PTPRD: variants seen among roughly 807,000 people sequenced by gnomAD.
The protein encoded by PTPRD is receptor-type tyrosine-protein phosphatase delta.
A neutral mutation model predicts 214.5 loss-of-function variants in PTPRD; 34 were observed. The ratio of observed to expected loss-of-function variants is 0.16; its 90% CI spans 0.12 to 0.21. PTPRD has a LOEUF of 0.21. Among genes scored for constraint, PTPRD ranks in the 10% least tolerant of loss-of-function variants. The pLI is 1.00. For missense variants in PTPRD, 2,545 were observed against 2,398.7 expected, an observed-to-expected ratio of 1.06 and a Z score of -1.27; for synonymous variants, 1,128 against 845.7, an observed-to-expected ratio of 1.33 and a Z score of -5.79.
chr9:9,662,037 T>C (rs1364092004), intron 7 of PTPRD, among the ~76,000 whole-genome samples: 1 of 151,710 alleles, frequency 6.6e-6, no homozygotes, highest in Non-Finnish European at 1.5e-5. Flanking sequence ...CCTGATACAA[T>C]TTAAAGTATA....
intron 8 of PTPRD, among the ~76,000 whole-genome samples, chr9:9,509,750 G>A (rs984273331): frequency 1.3e-5 from 2 of 151,174 alleles, no homozygotes; most frequent in African/African-American, 4.9e-5. Flanking sequence ...CCAAACTCCT[G>A]GCTTTCAGTA....
intron 11 of PTPRD, among the ~76,000 whole-genome samples, chr9:8,885,312 C>T (rs1376000559): frequency 1.3e-5 from 2 of 151,958 alleles, no homozygotes; most frequent in African/African-American, 4.8e-5. Context: ...TAAGGGGTTT[C>T]TCAGGGCATG....
Position 8,436,682 on chromosome 9 carries a change from A to G in PTPRD, c.3996T>C (p.Ala1332=). Residue 1332 remains alanine, a synonymous_variant, in exon 35 of 46, where the codon GCT becomes GCC. Transcript: ENST00000381196. ...CCAAGATGGGTATTGGAGGATGGCTAGCCATACCTATTGAAAAAAGCAAAG... is the reference window on the plus strand; with the variant it reads ...CCAAGATGGGTATTGGAGGATGGCTGGCCATACCTATTGAAAAAAGCAAAG... The part of the protein sequence containing the change: ...RRLNFQTPGM[A]SHPPIPILEL... 6.2e-7 allele frequency: 1 copy of G among 1,611,868 alleles called. No homozygotes were observed. Among genetic ancestry groups the G allele is most frequent in the Non-Finnish European group, 8.5e-7 (1 of 1,178,786 alleles).
At position 8,934,450 on chromosome 9, in the gene PTPRD, T is replaced by TA. The variant is rs1567098205; in HGVS notation, c.-104+84246_-104+84247insT. ...ATATATATATAAATATATATATAAA[T>TA]TTATATATATATAAATATATATATA... On this transcript the variant is annotated intron_variant, in intron 11 of 45. Transcript: ENST00000381196. Among the ~76,000 whole-genome samples the TA allele has an allele frequency of 9.9e-3, 370 of 37,186 alleles. 17 individuals carry two copies. Among genetic ancestry groups the TA allele is most frequent in the Middle Eastern group, 0.052 (3 of 58 alleles). 24.4% of individuals were successfully genotyped at this position (37,186 alleles called of 152,430 possible).
At chr9:8,873,956 A>G (rs1285488550) in intron 11 of PTPRD, among the ~76,000 whole-genome samples, 1 of 152,194 alleles carries the variant, frequency 6.6e-6, no homozygotes, top group Non-Finnish European at 1.5e-5. Context: ...TTAAAACATA[A>G]TACGGAGTCT....
intron 7 of PTPRD, among the ~76,000 whole-genome samples, chr9:9,636,431 C>T (rs559788516): frequency 6.6e-6 from 1 of 152,192 alleles, no homozygotes; most frequent in South Asian, 2.1e-4. Context: ...CACCTTTCTC[C>T]AATGACAGAT....
chr9:10,499,982 C>T (rs2043176671), intron 2 of PTPRD, among the ~76,000 whole-genome samples: 1 of 151,748 alleles, frequency 6.6e-6, no homozygotes, highest in Non-Finnish European at 1.5e-5. Flanking sequence ...TAGAGTATTG[C>T]CTGTGCCAGC....
chr9:10,258,736 G>T (rs572663811), intron 3 of PTPRD, among the ~76,000 whole-genome samples: 2 of 151,160 alleles, frequency 1.3e-5, no homozygotes, highest in Non-Finnish European at 2.9e-5. Context: ...GTCAGGTATC[G>T]TTTTGTATCT....
At chr9:10,134,198 A>G (rs2098924942) in intron 3 of PTPRD, among the ~76,000 whole-genome samples, 1 of 152,128 alleles carries the variant, frequency 6.6e-6, no homozygotes, top group Admixed American at 6.6e-5. Flanking sequence ...TCTGCCAAGC[A>G]AAGAGGACCA....
intron 3 of PTPRD, among the ~76,000 whole-genome samples, chr9:10,080,793 T>C (rs1478491807): frequency 6.6e-6 from 1 of 152,134 alleles, no homozygotes; most frequent in African/African-American, 2.4e-5. Context: ...CTCTTGACCA[T>C]TAAAAAGCTA....
At chr9:9,495,752 A>G (rs1179006428) in intron 8 of PTPRD, among the ~76,000 whole-genome samples, 1 of 152,156 alleles carries the variant, frequency 6.6e-6, no homozygotes, top group Admixed American at 6.5e-5. Context: ...GCTGGACAAG[A>G]GCTCAGGACC....
At chr9:10,223,651 C>A (rs1440468454) in intron 3 of PTPRD, among the ~76,000 whole-genome samples, 1 of 146,078 alleles carries the variant, frequency 6.8e-6, no homozygotes, top group Non-Finnish European at 1.5e-5. Context: ...GCTTGGGTGA[C>A]AGAATGAGAT....
intron 2 of PTPRD, among the ~76,000 whole-genome samples, chr9:10,378,214 A>C (rs1163886471): frequency 6.6e-6 from 1 of 151,966 alleles, no homozygotes; most frequent in Non-Finnish European, 1.5e-5. Flanking sequence ...CTGGTTATTT[A>C]TCTCTTGTCT....
At chr9:8,335,692 G>A (rs11788235) in intron 43 of PTPRD, among the ~76,000 whole-genome samples, 76,128 of 151,930 alleles carry the variant, frequency 0.5, 20,052 homozygotes, top group Non-Finnish European at 0.59. Context: ...AGGAAAAGAG[G>A]AAGTGAAATT....
intron 3 of PTPRD, among the ~76,000 whole-genome samples, chr9:10,329,083 T>A (rs1019256246): frequency 6.6e-6 from 1 of 151,786 alleles, no homozygotes; most frequent in Non-Finnish European, 1.5e-5. Context: ...GCTTAATACA[T>A]TGGAAATTAT....
chr9:9,023,545 T>G (rs781278521), intron 10 of PTPRD, among the ~76,000 whole-genome samples: 15 of 152,192 alleles, frequency 9.9e-5, no homozygotes, highest in Non-Finnish European at 1.5e-4. Context: ...ATCTTAAATT[T>G]CAACTTTTAT....
At chr9:8,388,376 T>G (rs1040622423) in intron 37 of PTPRD, among the ~76,000 whole-genome samples, 2 of 152,196 alleles carry the variant, frequency 1.3e-5, no homozygotes, top group African/African-American at 4.8e-5. Context: ...ACTTGTGGTT[T>G]CAAATTCTGT....
At chr9:10,418,293 G>C (rs1366231310) in intron 2 of PTPRD, among the ~76,000 whole-genome samples, 1 of 151,774 alleles carries the variant, frequency 6.6e-6, no homozygotes, top group Non-Finnish European at 1.5e-5. Flanking sequence ...TTTAAACACT[G>C]TCTATAAATG....
intron 3 of PTPRD, among the ~76,000 whole-genome samples, chr9:10,056,187 G>T (rs542826410): frequency 1.8e-4 from 27 of 151,928 alleles, no homozygotes; most frequent in Non-Finnish European, 3.8e-4. Context: ...TAGACATGGT[G>T]GCATGTGCCT....
Sources: gnomAD v4.1 joint callset for allele counts (sites outside exome capture counted in the v4.1 genomes callset) on GRCh38, gnomAD v4.1.1 for gene constraint, MANE v1.5 for transcripts, NCBI Gene and HGNC (gene_info 2026-07-23, HGNC 2026-07-21) for gene names.